The following WDR70 variants were observed in gnomAD, a reference collection of about 807,000 sequenced individuals.
The protein encoded by WDR70 is WD repeat domain 70.
Under a neutral mutation model 88.6 loss-of-function variants are expected in WDR70, and 53 were observed. That is an observed-to-expected ratio of 0.60 (90% CI 0.48 to 0.75). The LOEUF is 0.75. Ranked by LOEUF, WDR70 falls within the 30% of genes least tolerant of loss-of-function variation. The probability of loss-of-function intolerance (pLI) is 0.00; values close to 1 mark genes in which losing one functional copy is unlikely to be tolerated. For synonymous variants in WDR70, 280 were observed against 270.0 expected, an observed-to-expected ratio of 1.04 and a Z score of -0.36; for missense variants, 610 against 823.2, an observed-to-expected ratio of 0.74 and a Z score of 3.17.
chr5:37,526,057 A>G (rs1012239461), intron 9 of WDR70, among the ~76,000 whole-genome samples: 1 of 152,232 alleles, frequency 6.6e-6, no homozygotes, highest in Non-Finnish European at 1.5e-5. Context: ...TAGAGGTACA[A>G]GGAGGAGCTG....
intron 7 of WDR70, among the ~76,000 whole-genome samples, chr5:37,475,992 T>C (rs954398679): frequency 6.6e-6 from 1 of 151,832 alleles, no homozygotes; most frequent in Admixed American, 6.6e-5. Flanking sequence ...ATTAAAGGCA[T>C]GCACCACCAT....
chr5:37,731,078 G>A (rs1748130959), intron 17 of WDR70, among the ~76,000 whole-genome samples: 2 of 152,250 alleles, frequency 1.3e-5, no homozygotes, highest in African/African-American at 2.4e-5. Flanking sequence ...CCTGGAGACT[G>A]TGGTCAGAGT....
chr5:37,531,992 G>T (rs1191044890), intron 9 of WDR70, among the ~76,000 whole-genome samples: 2 of 152,116 alleles, frequency 1.3e-5, no homozygotes, highest in Non-Finnish European at 2.9e-5. Context: ...ATCTAGAAAA[G>T]ACTGTACCTT....
chr5:37,595,219 A>T (rs537084294), intron 9 of WDR70, among the ~76,000 whole-genome samples: 4 of 152,320 alleles, frequency 2.6e-5, no homozygotes, highest in Admixed American at 1.3e-4. Context: ...TTGAATCTAC[A>T]AAAATGCTAT....
At chr5:37,667,208 A>G (rs545473051) in intron 10 of WDR70, among the ~76,000 whole-genome samples, 1 of 152,318 alleles carries the variant, frequency 6.6e-6, no homozygotes, top group African/African-American at 2.4e-5. Context: ...TATGCTGTCC[A>G]TCTCACTCCT....
intron 11 of WDR70, among the ~76,000 whole-genome samples, chr5:37,698,060 T>C (rs1011847914): frequency 1.3e-5 from 2 of 152,222 alleles, no homozygotes; most frequent in Non-Finnish European, 2.9e-5. Context: ...AGTTTATAGA[T>C]GATCACCTAT....
chr5:37,665,636 C>G (rs1745818282), intron 10 of WDR70, among the ~76,000 whole-genome samples: 1 of 152,270 alleles, frequency 6.6e-6, no homozygotes, highest in African/African-American at 2.4e-5. Flanking sequence ...TGATGCTTGA[C>G]CTTGACTTTG....
chr5:37,593,044 A>G (rs944491434), intron 9 of WDR70, among the ~76,000 whole-genome samples: 6 of 152,190 alleles, frequency 3.9e-5, no homozygotes, highest in African/African-American at 1.4e-4. Context: ...AGCCCTAGCT[A>G]CTTGGATGGA....
At chr5:37,732,382 T>TAGCTATATTGTAC (rs1748172034) in intron 17 of WDR70, among the ~76,000 whole-genome samples, 1 of 152,168 alleles carries the variant, frequency 6.6e-6, no homozygotes, top group South Asian at 2.1e-4. Flanking sequence ...TTCAATTGTA[T>TAGCTATATTGTAC]AGCTATATTG....
chr5:37,447,615 T>G (rs1738541022), intron 7 of WDR70, among the ~76,000 whole-genome samples: 1 of 152,128 alleles, frequency 6.6e-6, no homozygotes, highest in Non-Finnish European at 1.5e-5. Context: ...CCATAAAAAA[T>G]GATGAGTTCA....
chr5:37,623,965 TTTTA>T (rs1305679999), intron 10 of WDR70, among the ~76,000 whole-genome samples: 1 of 152,192 alleles, frequency 6.6e-6, no homozygotes, highest in African/African-American at 2.4e-5. Flanking sequence ...CACTGTTACG[TTTTA>T]TTTGATACAT....
At chr5:37,622,783 C>T (rs1744549290) in intron 10 of WDR70, among the ~76,000 whole-genome samples, 1 of 152,010 alleles carries the variant, frequency 6.6e-6, no homozygotes, top group Non-Finnish European at 1.5e-5. Flanking sequence ...GGAGATATAC[C>T]TAATGTTAAA....
At chr5:37,507,217 G>C (rs1438122824) in intron 8 of WDR70, among the ~76,000 whole-genome samples, 1 of 151,222 alleles carries the variant, frequency 6.6e-6, no homozygotes. Flanking sequence ...AAATAATCTT[G>C]TTAGAATTAT....
chr5:37,409,695 G>A (rs901322434), intron 5 of WDR70, among the ~76,000 whole-genome samples: 1 of 151,850 alleles, frequency 6.6e-6, no homozygotes, highest in African/African-American at 2.4e-5. Context: ...AGTAGAGACG[G>A]GTTTTCACCA....
At chr5:37,638,777 G>T (rs1745035893) in intron 10 of WDR70, among the ~76,000 whole-genome samples, 1 of 152,134 alleles carries the variant, frequency 6.6e-6, no homozygotes, top group African/African-American at 2.4e-5. Context: ...CAGTTACTGG[G>T]ATCTGTACAT....
chr5:37,645,112 G>A (rs972534241), intron 10 of WDR70, among the ~76,000 whole-genome samples: 1 of 150,780 alleles, frequency 6.6e-6, no homozygotes, highest in African/African-American at 2.4e-5. Flanking sequence ...AGTGCTTATA[G>A]CTATAAACGT....
chr5:37,709,434 A>G (rs1747449008), intron 13 of WDR70, among the ~76,000 whole-genome samples: 1 of 152,246 alleles, frequency 6.6e-6, no homozygotes, highest in Non-Finnish European at 1.5e-5. Context: ...ATATTTGCCC[A>G]CAGCCAAGTG....
intron 10 of WDR70, among the ~76,000 whole-genome samples, chr5:37,664,543 T>C (rs1206387002): frequency 1.3e-5 from 2 of 152,258 alleles, no homozygotes; most frequent in Non-Finnish European, 2.9e-5. Context: ...TGACTTCTTT[T>C]CCCATCTTCT....
At chr5:37,740,982 G>A (rs573732608) in intron 17 of WDR70, among the ~76,000 whole-genome samples, 37 of 152,258 alleles carry the variant, frequency 2.4e-4, no homozygotes, top group African/African-American at 8.4e-4. Context: ...GCAATTTGAT[G>A]TATCTGTTGA....
Sources: gnomAD v4.1 joint callset for allele counts (sites outside exome capture counted in the v4.1 genomes callset) on GRCh38, gnomAD v4.1.1 for gene constraint, MANE v1.5 for transcripts, NCBI Gene and HGNC (gene_info 2026-07-23, HGNC 2026-07-21) for gene names.